The following ANO1 variants were observed in gnomAD, a reference collection of about 807,000 sequenced individuals.
ANO1 encodes the protein anoctamin 1.
A neutral mutation model predicts 124.0 loss-of-function variants in ANO1; 59 were observed. The observed-to-expected ratio is 0.48, with a 90% CI of 0.39 to 0.59. The LOEUF is 0.59. Ranked by LOEUF, ANO1 falls within the 20% of genes least tolerant of loss-of-function variation. ANO1 has a pLI of 0.00. For synonymous variants in ANO1, 529 were observed against 532.0 expected (o/e 0.99, Z 0.08); for missense variants, 1,059 against 1,328.0 (o/e 0.80, Z 3.15).
intron 1 of ANO1, among the ~76,000 whole-genome samples, chr11:70,067,452 C>T (rs150046590): frequency 0.016 from 2,372 of 151,984 alleles, 52 homozygotes; most frequent in African/African-American, 0.053. Flanking sequence ...CTCAGTCTCC[C>T]GAATAGCTTG....
chr11:69,999,942 G>A (rs563367348), intron 1 of ANO1, among the ~76,000 whole-genome samples: 2 of 152,266 alleles, frequency 1.3e-5, no homozygotes, highest in African/African-American at 2.4e-5. Context: ...AAAGGGAAGG[G>A]AGGCCCCAAA....
intron 1 of ANO1, among the ~76,000 whole-genome samples, chr11:70,049,830 C>T (rs541930536): frequency 3.4e-4 from 52 of 152,308 alleles, no homozygotes; most frequent in African/African-American, 1.2e-3. Flanking sequence ...AAGCGACTCT[C>T]CTGCCTCAGC....
intron 7 of ANO1, among the ~76,000 whole-genome samples, chr11:70,115,199 G>A (rs1177302948): frequency 3.9e-5 from 6 of 152,042 alleles, no homozygotes; most frequent in Middle Eastern, 3.2e-3. Flanking sequence ...TTGAGTGTGT[G>A]GTCAAGTCGT....
chr11:70,039,345 C>T lies in ANO1; in HGVS notation c.59-39197C>T, dbSNP rs137931912. Among the ~76,000 whole-genome samples, 829 of 152,226 alleles carry T rather than the reference C, an allele frequency of 5.4e-3. 7 individuals carry two copies. The highest frequency in any genetic ancestry group is 0.019 in the African/African-American group (782 of 41,528). On this transcript the variant is annotated intron_variant, in intron 1 of 27. Transcript: ENST00000531349. The stretch of plus-strand genomic sequence containing the variant: ...ATTTTGAAACCTGCCATCTTCTGGC[C>T]GAAATATGGCTCAGATGAAGACCAG...
chr11:70,187,727 T>A lies in ANO1; in HGVS notation c.2695-11T>A. ...ATCCTCCCTTCTGCCACGCGTTGCC[T>A]CTCCTTCCAGAACCTGGTCATGTTC... is the stretch of plus-strand genomic sequence containing the variant. On this transcript the variant is annotated splice_polypyrimidine_tract_variant and intron_variant, in intron 25 of 25. Coordinates refer to ENST00000355303, the MANE Select transcript of ANO1 (RefSeq NM_018043.7). The A allele has an allele frequency of 6.2e-7, 1 of 1,602,346 alleles. No homozygotes were observed. Among genetic ancestry groups the A allele is most frequent in the Non-Finnish European group, 8.5e-7 (1 of 1,174,168 alleles).
At chr11:70,091,862 G>A (rs1271909908) in intron 2 of ANO1, among the ~76,000 whole-genome samples, 1 of 152,242 alleles carries the variant, frequency 6.6e-6, no homozygotes, top group Non-Finnish European at 1.5e-5. Context: ...ATTGTGTTGA[G>A]ACATCTTGTG....
At chr11:70,075,951 G>A (rs1316473670), upstream of ANO1, among the ~76,000 whole-genome samples, 1 of 152,194 alleles carries the variant, frequency 6.6e-6, no homozygotes, top group Non-Finnish European at 1.5e-5. Flanking sequence ...ACTTTGTGTC[G>A]GTCCCTGAAA....
chr11:70,126,318 C>T (rs1337554165), intron 10 of ANO1, 123 bp downstream of exon 10: 6 of 1,243,772 alleles, frequency 4.8e-6, no homozygotes, highest in Non-Finnish European at 6.5e-6. Context: ...TGAAACCTCA[C>T]GCCAAGCCAC....
intron 11 of ANO1, among the ~76,000 whole-genome samples, chr11:70,137,700 C>T (rs1201241044): frequency 2.0e-5 from 3 of 146,514 alleles, no homozygotes; most frequent in African/African-American, 4.9e-5. Flanking sequence ...GTGCCAGCTC[C>T]GGGGCCCGGC....
At chr11:70,012,238 A>C (rs1856609764) in intron 1 of ANO1, among the ~76,000 whole-genome samples, 1 of 143,362 alleles carries the variant, frequency 7.0e-6, no homozygotes, top group Non-Finnish European at 1.5e-5. Flanking sequence ...ATTCATTCAC[A>C]CATTCATCCA....
Position 70,131,948 on chromosome 11 carries a change from T to C in ANO1, c.1127T>C (p.Ile376Thr), listed in dbSNP as rs35101107. ...SMEMCDQRHN[I>T]TMCPLCDKTC... Reference sequence around the variant, plus strand: ...GAGATGTGTGACCAGAGACACAATATCACCATGTGCCCGCTTTGCGACAAG... The same window carrying C: ...GAGATGTGTGACCAGAGACACAATACCACCATGTGCCCGCTTTGCGACAAG... Residue 376 changes from isoleucine to threonine, a missense_variant, in exon 11 of 26, where the codon ATC becomes ACC. Transcript: ENST00000355303. 6.2e-6 allele frequency: 10 copies of C among 1,609,068 alleles called. No homozygotes were observed. Among genetic ancestry groups the C allele is most frequent in the Non-Finnish European group, 8.5e-6 (10 of 1,179,736 alleles).
At chr11:70,072,802 C>T in intron 1 of ANO1, 1 of 152,370 alleles carries the variant, frequency 6.6e-6, no homozygotes, top group East Asian at 1.9e-4. Context: ...TCATGGGGTT[C>T]TTGTACTCTC....
intron 16 of ANO1, among the ~76,000 whole-genome samples, chr11:70,159,358 C>G (rs549381888): frequency 3.3e-5 from 5 of 152,306 alleles, no homozygotes; most frequent in African/African-American, 1.2e-4. Context: ...ACCTCCTCTG[C>G]AGGGAGGCTC....
At chr11:70,184,666 T>G (rs1168306428) in intron 24 of ANO1, among the ~76,000 whole-genome samples, 1 of 152,238 alleles carries the variant, frequency 6.6e-6, no homozygotes, top group Non-Finnish European at 1.5e-5. Context: ...TTAGCTTCGT[T>G]CTTTCGCAAA....
chr11:69,995,192 C>G (rs541299630), intron 1 of ANO1, among the ~76,000 whole-genome samples: 1 of 151,678 alleles, frequency 6.6e-6, no homozygotes, highest in East Asian at 1.9e-4. Context: ...CTCCACCTCC[C>G]CAGTTCAAGC....
chr11:70,174,196 C>T (rs2048589924), intron 22 of ANO1, among the ~76,000 whole-genome samples: 1 of 151,650 alleles, frequency 6.6e-6, no homozygotes, highest in Admixed American at 6.6e-5. Context: ...TCTCGGCCTC[C>T]CAAAGTGCTG....
At chr11:70,139,996 C>T (rs1307917153) in intron 11 of ANO1, among the ~76,000 whole-genome samples, 2 of 152,222 alleles carry the variant, frequency 1.3e-5, no homozygotes, top group Non-Finnish European at 2.9e-5. Context: ...AATACACCTC[C>T]TTCCCTTTGG....
intron 16 of ANO1, among the ~76,000 whole-genome samples, chr11:70,160,151 G>A (rs1007703742): frequency 1.5e-4 from 23 of 152,134 alleles, no homozygotes; most frequent in Admixed American, 1.0e-3. Flanking sequence ...AGCAGGGACC[G>A]GACCTGCCCT....
intron 20 of ANO1, among the ~76,000 whole-genome samples, chr11:70,166,133 C>T (rs566424484): frequency 6.1e-4 from 93 of 152,062 alleles, no homozygotes; most frequent in African/African-American, 2.1e-3. Flanking sequence ...GCCTGGCCAA[C>T]ATGGTGAAAC....
Sources: gnomAD v4.1 joint callset for allele counts (sites outside exome capture counted in the v4.1 genomes callset) on GRCh38, gnomAD v4.1.1 for gene constraint, MANE v1.5 for transcripts, NCBI Gene and HGNC (gene_info 2026-07-23, HGNC 2026-07-21) for gene names.